PIK3CB: variants seen among roughly 807,000 people sequenced by gnomAD.
The protein encoded by PIK3CB is phosphatidylinositol 4,5-bisphosphate 3-kinase catalytic subunit beta isoform.
Under a neutral mutation model 136.8 loss-of-function variants are expected in PIK3CB, and 39 were observed. The ratio of observed to expected loss-of-function variants is 0.29; its 90% confidence interval spans 0.22 to 0.37. The LOEUF is 0.37. Ranked by LOEUF, PIK3CB falls within the 10% of genes least tolerant of loss-of-function variation. The pLI, the probability that PIK3CB is intolerant of heterozygous loss-of-function variation, is 1.00. For missense variants in PIK3CB, 868 were observed against 1,275.4 expected (o/e 0.68, Z 4.87); for synonymous variants, 428 against 436.6 (o/e 0.98, Z 0.25).
chr3:138,739,383 T>C (rs961731318), intron 5 of PIK3CB, among the ~76,000 whole-genome samples: 2 of 151,288 alleles, frequency 1.3e-5, no homozygotes, highest in Non-Finnish European at 2.9e-5. Context: ...TCGGAGGTTG[T>C]AGTGAGCTGA....
intron 1 of PIK3CB, among the ~76,000 whole-genome samples, chr3:138,798,628 G>A (rs781492163): frequency 1.3e-5 from 2 of 152,060 alleles, no homozygotes; most frequent in Non-Finnish European, 1.5e-5. Context: ...ACTTGTTTTT[G>A]TATTTAAAAG....
chr3:138,661,287 C>G (rs927288029), intron 21 of PIK3CB, among the ~76,000 whole-genome samples: 10 of 152,154 alleles, frequency 6.6e-5, no homozygotes, highest in African/African-American at 2.4e-4. Flanking sequence ...TATAAGCTGC[C>G]AACTAGTTCT....
rs1208350561 is a variant in PIK3CB at position 138,797,454 on chromosome 3, G to A, written c.-121-887C>T. Among the ~76,000 whole-genome samples, 3 of 152,088 alleles carry A rather than the reference G, an allele frequency of 2.0e-5. No individual in the cohort carries two copies. In the East Asian group the frequency reaches 5.8e-4, roughly 29 times the overall value. ...CACCCATGAAGCCAGCCCTGGTCAC[G>A]ACCCTAATTCCCTATTACATATATT... On this transcript the variant is annotated intron_variant, in intron 1 of 23. Coordinates refer to ENST00000674063, the MANE Select transcript of PIK3CB (RefSeq NM_006219.3).
At chr3:138,663,555 T>C (rs1160361570) in intron 21 of PIK3CB, among the ~76,000 whole-genome samples, 1 of 152,144 alleles carries the variant, frequency 6.6e-6, no homozygotes, top group Admixed American at 6.5e-5. Context: ...CTAATTTTTA[T>C]ATTTTTAGTA....
chr3:138,757,775 T>C (rs146868664), intron 3 of PIK3CB, among the ~76,000 whole-genome samples: 2,660 of 151,904 alleles, frequency 0.018, 34 homozygotes, highest in Middle Eastern at 0.034. Context: ...TTGGCCAGTA[T>C]GTAGACAAAC....
At chr3:138,687,091 T>A (rs903626233) in intron 16 of PIK3CB, among the ~76,000 whole-genome samples, 1 of 152,218 alleles carries the variant, frequency 6.6e-6, no homozygotes, top group African/African-American at 2.4e-5. Flanking sequence ...CCACACTTCC[T>A]GGAACAGTGT....
rs538888741 is a variant in PIK3CB at position 138,736,998 on chromosome 3, C to T, written c.801+709G>A. 7.2e-5 allele frequency among the ~76,000 whole-genome samples: 11 copies of T among 152,118 alleles called. No homozygotes were observed. The South Asian group carries it at 2.1e-3, about 29-fold the overall frequency. On this transcript the variant is annotated intron_variant, in intron 6 of 23. Transcript: ENST00000674063. ...ACTTTACCTCCCCCAGAATATTTCA[C>T]GTTTATACTATATGATGAAATAGAA... is the stretch of plus-strand genomic sequence containing the variant.
intron 10 of PIK3CB, among the ~76,000 whole-genome samples, chr3:138,709,158 G>T (rs4305444): frequency 0.6 from 90,530 of 151,954 alleles, 27,801 homozygotes; most frequent in East Asian, 0.98. Flanking sequence ...AATTTGTAAT[G>T]ATAAGAATTA....
chr3:138,738,182 T>G (rs766306263), intron 5 of PIK3CB, among the ~76,000 whole-genome samples: 2 of 152,132 alleles, frequency 1.3e-5, no homozygotes, highest in Non-Finnish European at 2.9e-5. Flanking sequence ...TCTCATCTTT[T>G]TTTTTTTGAG....
chr3:138,654,735 T>G lies in PIK3CB; in HGVS notation c.*654A>C, dbSNP rs1006974645. On this transcript the variant is annotated 3_prime_UTR_variant, in exon 24 of 24. Coordinates refer to ENST00000674063, the MANE Select transcript of PIK3CB (RefSeq NM_006219.3). The stretch of plus-strand genomic sequence containing the variant: ...TTATATAGAACTCCCACTAGAAATT[T>G]TATAAATATATATGTAGCATATTTA... 3 of 215,114 alleles carry G rather than the reference T, an allele frequency of 1.4e-5. No homozygotes were observed. The highest frequency in any genetic ancestry group is 5.8e-5 in the Admixed American group (1 of 17,148). 13.3% of individuals were successfully genotyped at this position (215,114 alleles called of 1,614,324 possible).
chr3:138,747,089 T>TGGC (rs2045374610), intron 4 of PIK3CB, among the ~76,000 whole-genome samples: 6 of 85,290 alleles, frequency 7.0e-5, no homozygotes, highest in Admixed American at 1.2e-4. Flanking sequence ...TATATATATA[T>TGGC]ATATATATAT....
chr3:138,821,216 G>A (rs796245070), intron 1 of PIK3CB, among the ~76,000 whole-genome samples: 13 of 151,936 alleles, frequency 8.6e-5, no homozygotes, highest in African/African-American at 2.9e-4. Flanking sequence ...CCCGGGAGTC[G>A]GAAGTTGCAG....
intron 1 of PIK3CB, among the ~76,000 whole-genome samples, chr3:138,806,277 A>G (rs2046233596): frequency 6.6e-6 from 1 of 152,096 alleles, no homozygotes. Flanking sequence ...CTTGAGGTCA[A>G]AAGTTCGAGA....
intron 8 of PIK3CB, among the ~76,000 whole-genome samples, chr3:138,715,487 C>T (rs2044588535): frequency 6.6e-6 from 1 of 152,182 alleles, no homozygotes; most frequent in African/African-American, 2.4e-5. Flanking sequence ...GATACTAGCA[C>T]ACAATATTAC....
At chr3:138,780,606 A>G (rs2045912914) in intron 2 of PIK3CB, among the ~76,000 whole-genome samples, 1 of 151,976 alleles carries the variant, frequency 6.6e-6, no homozygotes, top group South Asian at 2.1e-4. Context: ...TGTGAATGTT[A>G]CTATCATTTC....
At position 138,659,866 on chromosome 3, in the gene PIK3CB, C is replaced by CTTTTTT. The variant is rs56255742; in HGVS notation, c.2797-2037_2797-2032dup. Among the ~76,000 whole-genome samples the CTTTTTT allele has an allele frequency of 3.4e-4, 26 of 75,452 alleles. 1 individual carries two copies. Among genetic ancestry groups the CTTTTTT allele is most frequent in the Non-Finnish European group, 4.6e-4 (20 of 43,368 alleles). The allele number at this position is 75,452 out of a possible 152,430, so 49.5% of individuals were successfully genotyped here. On this transcript the variant is annotated intron_variant, in intron 21 of 23. Coordinates refer to ENST00000674063, the MANE Select transcript of PIK3CB (RefSeq NM_006219.3). Reference sequence around the variant, plus strand: ...TTAGTAAGTGCCCTTCTTTCCTCTTCTTTTTTTTTTTTTTTTTTTTTTTTT... The same window carrying CTTTTTT: ...TTAGTAAGTGCCCTTCTTTCCTCTTCTTTTTTTTTTTTTTTTTTTTTTTTTTTTTTT...
chr3:138,659,461 G>A (rs2043248624), intron 21 of PIK3CB, among the ~76,000 whole-genome samples: 1 of 151,858 alleles, frequency 6.6e-6, no homozygotes, highest in South Asian at 2.1e-4. Context: ...AGGCTGCAGT[G>A]AGCCGGGATC....
intron 19 of PIK3CB, among the ~76,000 whole-genome samples, chr3:138,681,674 A>G (rs559557226): frequency 1.3e-3 from 205 of 152,328 alleles, no homozygotes; most frequent in Non-Finnish European, 2.4e-3. Context: ...GCCATGACCC[A>G]CAGTACATCT....
rs1275268484 is a variant in PIK3CB, at chr3:138,740,628, A to G, written c.621+1930T>C. On this transcript the variant is annotated intron_variant, in intron 5 of 23. Coordinates refer to ENST00000674063, the MANE Select transcript of PIK3CB (RefSeq NM_006219.3). ...CCCATATTTCAAGCAGTTGTTCATT[A>G]TCACTTTCAATGACTTCATGAAATA... 2.0e-5 allele frequency among the ~76,000 whole-genome samples: 3 copies of G among 152,050 alleles called. No individual in the cohort carries two copies. In the East Asian group the frequency reaches 5.8e-4, roughly 29 times the overall value.
Sources: allele counts gnomAD v4.1 joint callset (sites outside exome capture counted in the v4.1 genomes callset), GRCh38; gene constraint gnomAD v4.1.1; transcripts MANE v1.5; gene names NCBI Gene and HGNC (gene_info 2026-07-23, HGNC 2026-07-21).